PRLR: variants seen among roughly 807,000 people sequenced by gnomAD.
PRLR encodes the protein prolactin receptor.
Under a neutral mutation model 40.2 loss-of-function variants are expected in PRLR, and 13 were observed. That is an observed-to-expected ratio of 0.32 (90% CI 0.21 to 0.51). PRLR has a LOEUF of 0.51. Ranked by LOEUF, PRLR falls within the 20% of genes least tolerant of loss-of-function variation. The probability of loss-of-function intolerance (pLI) is 0.97; values close to 1 mark genes in which losing one functional copy is unlikely to be tolerated. For missense variants in PRLR, 656 were observed against 747.3 expected, an observed-to-expected ratio of 0.88 and a Z score of 1.42; for synonymous variants, 269 against 278.7, an observed-to-expected ratio of 0.97 and a Z score of 0.35.
intron 2 of PRLR, among the ~76,000 whole-genome samples, chr5:35,115,199 T>C (rs1284056566): frequency 6.6e-6 from 1 of 152,238 alleles, no homozygotes; most frequent in Non-Finnish European, 1.5e-5. Context: ...TACAAGTAGC[T>C]ACTGTATCAG....
At chr5:35,071,286 C>T (rs968351326) in intron 6 of PRLR, among the ~76,000 whole-genome samples, 1 of 151,574 alleles carries the variant, frequency 6.6e-6, no homozygotes, top group Non-Finnish European at 1.5e-5. Context: ...ACAAGTGGCC[C>T]AGTCTCCTCA....
rs1212093418 is a variant in PRLR at position 35,215,866 on chromosome 5, T to TAAA, written c.-106+14399_-106+14401dup. Among the ~76,000 whole-genome samples the TAAA allele has an allele frequency of 7.3e-3, 652 of 88,868 alleles. 10 individuals are homozygous for TAAA. Among genetic ancestry groups the TAAA allele is most frequent in the African/African-American group, 0.029 (592 of 20,444 alleles). 58.3% of individuals were successfully genotyped at this position (88,868 alleles called of 152,430 possible). A position where few individuals can be genotyped will look rare whatever the true frequency, so the allele number is the denominator to read the frequency against. ...CAACATGGTGAAATCCTGTCTCTAC[T>TAAA]AAAAAAAAAAAAAAAAAAAAAAAAA... On this transcript the variant is annotated intron_variant, in intron 1 of 9. Transcript: ENST00000618457.
intron 1 of PRLR, among the ~76,000 whole-genome samples, chr5:35,180,593 T>G (rs1190964774): frequency 1.3e-5 from 2 of 152,160 alleles, no homozygotes; most frequent in Non-Finnish European, 2.9e-5. Flanking sequence ...CCCCCCTTTT[T>G]TTTTTATTAT....
intron 1 of PRLR, among the ~76,000 whole-genome samples, chr5:35,165,918 C>G (rs1774810260): frequency 6.6e-6 from 1 of 152,154 alleles, no homozygotes; most frequent in Non-Finnish European, 1.5e-5. Context: ...AAGGGTTAGT[C>G]TCCATGGACA....
At chr5:35,157,538 G>A (rs1301595052) in intron 1 of PRLR, among the ~76,000 whole-genome samples, 1 of 152,160 alleles carries the variant, frequency 6.6e-6, no homozygotes, top group Non-Finnish European at 1.5e-5. Flanking sequence ...CCAGAACACA[G>A]ATGAGGAAGC....
In PRLR at chr5:35,089,532, G is replaced by A. The variant is rs564906910; in HGVS notation, c.70+19C>T. 5.5e-5 allele frequency: 86 copies of A among 1,555,028 alleles called. 1 individual carries two copies. In the East Asian group the frequency reaches 1.3e-3, roughly 24 times the overall value. On this transcript the variant is annotated intron_variant, in intron 3 of 9. Transcript: ENST00000618457. Reference sequence around the variant, plus strand: ...AACACCCCAGGCAATGAAAGAGAGCGTGATAGCCTCTTACTTACCATTCAG... The same window carrying A: ...AACACCCCAGGCAATGAAAGAGAGCATGATAGCCTCTTACTTACCATTCAG...
chr5:35,083,923 TA>T (rs1278160903), intron 5 of PRLR, among the ~76,000 whole-genome samples: 5 of 151,696 alleles, frequency 3.3e-5, no homozygotes, highest in Non-Finnish European at 5.9e-5. Flanking sequence ...AAATGTTTAG[TA>T]AAAAAAATTA....
At chr5:35,134,632 CA>C (rs1773793075) in intron 1 of PRLR, among the ~76,000 whole-genome samples, 1 of 152,324 alleles carries the variant, frequency 6.6e-6, no homozygotes, top group African/African-American at 2.4e-5. Flanking sequence ...AATTAGAGCA[CA>C]ACCTCAATGA....
chr5:35,064,358 G>C lies in PRLR; in HGVS notation c.*731C>G, dbSNP rs1057829. 0.098 allele frequency: 14,949 copies of C among 152,184 alleles called. 1,241 individuals are homozygous for C. Among genetic ancestry groups the C allele is most frequent in the African/African-American group, 0.22 (9,208 of 41,486 alleles). The allele number at this position is 152,184 out of a possible 1,614,324, so 9.4% of individuals were successfully genotyped here. A position where few individuals can be genotyped will look rare whatever the true frequency, so the allele number is the denominator to read the frequency against. The stretch of plus-strand genomic sequence containing the variant: ...AATTATCTATCATGCTGAAATGAAG[G>C]AGGAAAACATCCTAAAGGGATTCAC... On this transcript the variant is annotated 3_prime_UTR_variant, in exon 10 of 10. Coordinates refer to ENST00000618457, the MANE Select transcript of PRLR (RefSeq NM_000949.7).
intron 1 of PRLR, among the ~76,000 whole-genome samples, chr5:35,161,094 C>T (rs1283224516): frequency 1.4e-4 from 22 of 152,218 alleles, no homozygotes; most frequent in South Asian, 4.1e-4. Flanking sequence ...CAATTACAAA[C>T]ATAATCTGCT....
At chr5:35,134,146 C>T (rs2962091) in intron 1 of PRLR, among the ~76,000 whole-genome samples, 7,908 of 151,994 alleles carry the variant, frequency 0.052, 503 homozygotes, top group East Asian at 0.15. Context: ...ACTTAGGTAA[C>T]CAAACACCAT....
At chr5:35,164,875 G>GGGATAAGATTTGC (rs1278785609) in intron 1 of PRLR, among the ~76,000 whole-genome samples, 1 of 152,110 alleles carries the variant, frequency 6.6e-6, no homozygotes, top group Non-Finnish European at 1.5e-5. Flanking sequence ...AAAGATTTCA[G>GGGATAAGATTTGC]GGATAAGATT....
At chr5:35,186,227 A>G (rs1337152172) in intron 1 of PRLR, among the ~76,000 whole-genome samples, 1 of 152,164 alleles carries the variant, frequency 6.6e-6, no homozygotes, top group Non-Finnish European at 1.5e-5. Flanking sequence ...ATATTGAAAC[A>G]AATAAGATCT....
chr5:35,120,063 C>T (rs1349851210), intron 1 of PRLR, among the ~76,000 whole-genome samples: 5 of 152,156 alleles, frequency 3.3e-5, no homozygotes, highest in Non-Finnish European at 5.9e-5. Context: ...TTTACCTGCT[C>T]TGTGCCCTGT....
In PRLR at chr5:35,086,209, C is replaced by T. The variant is rs1770839442; in HGVS notation, c.202G>A (p.Gly68Arg). Residue 68 changes from glycine to arginine, a missense_variant and splice_region_variant, in exon 4 of 10, where the codon GGA (glycine) becomes AGA (arginine). Physicochemically the swap from Gly to Arg is moderately radical, Grantham distance 125. Transcript: ENST00000618457. ...TNYSLTYHRE[G>R]ETLMHECPDY... ...ATAGGAGAGAAGGGAACTTCTTACC[C>T]TTCCCTGTGGTAAGTCAGTGAATAA... The T allele has an allele frequency of 1.9e-6, 3 of 1,613,818 alleles. No homozygotes were observed. The East Asian group carries it at 6.7e-5, about 36-fold the overall frequency.
intron 5 of PRLR, among the ~76,000 whole-genome samples, chr5:35,083,569 G>A (rs1034632467): frequency 6.6e-6 from 1 of 150,510 alleles, no homozygotes; most frequent in African/African-American, 2.5e-5. Flanking sequence ...GCCCAGGCTG[G>A]AGTGCAGTGG....
In PRLR at chr5:35,057,054, G is replaced by C. The variant is rs1003624256; in HGVS notation, c.*8035C>G. ...CAGAAAAGATGTTGTTAATAATATG[G>C]ATAAATAATAACTGTTCAAAAGGAT... On this transcript the variant is annotated 3_prime_UTR_variant, in exon 10 of 10. Transcript: ENST00000618457. The C allele has an allele frequency of 2.6e-5, 4 of 152,034 alleles. No homozygotes were observed. Among genetic ancestry groups the C allele is most frequent in the African/African-American group, 9.7e-5 (4 of 41,420 alleles). The allele number at this position is 152,034 out of a possible 1,614,324, so 9.4% of individuals were successfully genotyped here.
intron 1 of PRLR, among the ~76,000 whole-genome samples, chr5:35,177,947 T>C (rs1266360512): frequency 6.6e-6 from 1 of 152,186 alleles, no homozygotes; most frequent in Non-Finnish European, 1.5e-5. Flanking sequence ...GGGTTCTAAA[T>C]TGTCCACATC....
At position 35,060,492 on chromosome 5, in the gene PRLR, C is replaced by A. The variant is rs1768972259; in HGVS notation, c.*4597G>T. On this transcript the variant is annotated 3_prime_UTR_variant, in exon 10 of 10. Transcript: ENST00000618457. ...GCACCAGGGACACTGACCTGAAACCCTGGATTTTACCTAGATCATGAGAGG... is the reference window on the plus strand; with the variant it reads ...GCACCAGGGACACTGACCTGAAACCATGGATTTTACCTAGATCATGAGAGG... 1 of 152,180 alleles carries A rather than the reference C, an allele frequency of 6.6e-6. No individual in the cohort carries two copies. The highest frequency in any genetic ancestry group is 2.4e-5 in the African/African-American group (1 of 41,438). The allele number at this position is 152,180 out of a possible 1,614,324, so 9.4% of individuals were successfully genotyped here. A position where few individuals can be genotyped will look rare whatever the true frequency, so the allele number is the denominator to read the frequency against.
Sources: gnomAD v4.1 joint callset for allele counts (sites outside exome capture counted in the v4.1 genomes callset) on GRCh38, gnomAD v4.1.1 for gene constraint, MANE v1.5 for transcripts, NCBI Gene and HGNC (gene_info 2026-07-23, HGNC 2026-07-21) for gene names.